Variants in FBN3 observed in about 807,000 individuals in gnomAD.
FBN3 encodes the protein fibrillin-3.
Under a neutral mutation model 330.1 loss-of-function variants are expected in FBN3, and 234 were observed. The ratio of observed to expected loss-of-function variants is 0.71; its 90% CI spans 0.64 to 0.79. FBN3 has a LOEUF of 0.79. FBN3 is among the 30% of genes least tolerant of loss of function. The pLI is 0.00. For missense variants in FBN3, 3,606 were observed against 3,886.9 expected (o/e 0.93, Z 1.92); for synonymous variants, 1,458 against 1,517.3 (o/e 0.96, Z 0.91).
chr19:8,076,486 C>T (rs957047911), intron 59 of FBN3, among the ~76,000 whole-genome samples: 16 of 151,868 alleles, frequency 1.1e-4, no homozygotes, highest in African/African-American at 3.9e-4. Flanking sequence ...AAATACAAAA[C>T]AATTTAGCCA....
chr19:8,122,340 G>C (rs1171135187), intron 24 of FBN3, among the ~76,000 whole-genome samples: 3 of 151,830 alleles, frequency 2.0e-5, no homozygotes, highest in Non-Finnish European at 4.4e-5. Flanking sequence ...GGTCACCTTT[G>C]CCAGCCCCTT....
intron 6 of FBN3, among the ~76,000 whole-genome samples, chr19:8,142,587 C>G (rs2083440378): frequency 6.6e-6 from 1 of 152,172 alleles, no homozygotes; most frequent in Non-Finnish European, 1.5e-5. Context: ...CCCCCAACAT[C>G]ACATCCCCAA....
At chr19:8,071,126 G>A (rs986213105) in intron 63 of FBN3, among the ~76,000 whole-genome samples, 1 of 152,200 alleles carries the variant, frequency 6.6e-6, no homozygotes, top group African/African-American at 2.4e-5. Context: ...GCATACAGCA[G>A]GTGTTTAATA....
chr19:8,147,568 G>C (rs1016758746), intron 1 of FBN3, 71 bp from the exon 2 acceptor site: 1 of 1,332,784 alleles, frequency 7.5e-7, no homozygotes, highest in Non-Finnish European at 9.8e-7. Context: ...AACACAACGA[G>C]GAGGGCAGGG....
At chr19:8,143,500 T>TTA (rs1187829253) in intron 6 of FBN3, among the ~76,000 whole-genome samples, 1 of 147,114 alleles carries the variant, frequency 6.8e-6, no homozygotes, top group South Asian at 2.2e-4. Context: ...TTCTTTTCTT[T>TTA]TTTTTTTTTT....
At chr19:8,140,412 C>T (rs1031721826) in intron 8 of FBN3, among the ~76,000 whole-genome samples, 6 of 152,092 alleles carry the variant, frequency 3.9e-5, no homozygotes, top group Non-Finnish European at 8.8e-5. Context: ...TGCAGTGAGC[C>T]GAGATCGTGC....
rs996280468 is a variant in FBN3, at chr19:8,131,186, C to G, written c.2044+49G>C. Reference sequence around the variant, plus strand: ...CCTCCCACCACAGCTCTCCCCACATCTGGTAGGGGCAGGCTGGCTGCTGTT... The same window carrying G: ...CCTCCCACCACAGCTCTCCCCACATGTGGTAGGGGCAGGCTGGCTGCTGTT... On this transcript the variant is annotated intron_variant, in intron 16 of 63. Coordinates refer to ENST00000600128, the MANE Select transcript of FBN3 (RefSeq NM_032447.5). The surrounding 1 kb of genome is among the most constrained non-coding windows in gnomAD (Gnocchi z 4.5). The G allele has an allele frequency of 6.4e-7, 1 of 1,567,806 alleles. No individual in the cohort carries two copies. Among genetic ancestry groups the G allele is most frequent in the African/African-American group, 1.3e-5 (1 of 74,424 alleles).
intron 62 of FBN3, 115 bp from the exon 63 acceptor site, chr19:8,072,313 A>G (rs2081533983): frequency 1.8e-6 from 2 of 1,106,990 alleles, no homozygotes; most frequent in Admixed American, 2.5e-5. Context: ...GCCCACGCAC[A>G]CAAATGCCTC....
chr19:8,142,635 C>T (rs1311810923), intron 6 of FBN3, among the ~76,000 whole-genome samples: 1 of 152,086 alleles, frequency 6.6e-6, no homozygotes, highest in Admixed American at 6.6e-5. Flanking sequence ...CGCATTGGTT[C>T]CCCCAACCCC....
chr19:8,095,611 C>A (rs2082192233), intron 45 of FBN3, 108 bp from the exon 46 acceptor site: 1 of 1,207,644 alleles, frequency 8.3e-7, no homozygotes, highest in Non-Finnish European at 1.2e-6. Flanking sequence ...TTGGCTTCAA[C>A]TTGAGCACTC....
Position 8,142,141 on chromosome 19 carries a change from C to T in FBN3, c.542-4G>A, listed in dbSNP as rs116519546. 2.2e-4 allele frequency: 355 copies of T among 1,599,864 alleles called. 1 individual carries two copies. The African/African-American group carries it at 4.0e-3, about 18-fold the overall frequency. On this transcript the variant is annotated splice_polypyrimidine_tract_variant and splice_region_variant and intron_variant, in intron 6 of 63. Transcript: ENST00000600128. ...AAGCAGGGTCCCGTCCGGTAATCTG[C>T]AGGGCAGACAGATGTGGGTACCTGG...
intron 48 of FBN3, among the ~76,000 whole-genome samples, chr19:8,090,930 A>C (rs2082082943): frequency 6.6e-6 from 1 of 152,184 alleles, no homozygotes; most frequent in African/African-American, 2.4e-5. Context: ...GATTCCAGAA[A>C]GCCCGAGGAT....
At chr19:8,080,930 A>AT (rs1200227758) in intron 59 of FBN3, 73 bp downstream of exon 59, 12 of 1,150,796 alleles carry the variant, frequency 1.0e-5, no homozygotes, top group Admixed American at 3.6e-5. Context: ...CCAACTTGAT[A>AT]TTTTTTTGGT....
chr19:8,127,950 G>A (rs563628030), intron 18 of FBN3, among the ~76,000 whole-genome samples: 32 of 152,272 alleles, frequency 2.1e-4, no homozygotes, highest in South Asian at 4.1e-4. Flanking sequence ...GCAGTGAGCC[G>A]AGATCGCCCC....
Position 8,111,627 on chromosome 19 carries a change from C to A in FBN3, c.4084+21G>T. ...TGGCTGTCCCTCTAGGGCCCCTGCC[C>A]TCCCACCCCTCTAATCTCACCTTCG... On this transcript the variant is annotated intron_variant, in intron 32 of 63. Transcript: ENST00000600128. The A allele has an allele frequency of 2.0e-6, 3 of 1,532,194 alleles. No individual in the cohort carries two copies. The South Asian group carries it at 3.4e-5, about 17-fold the overall frequency. The allele number at this position is 1,532,194 out of a possible 1,614,324, so 94.9% of individuals were successfully genotyped here. A position where few individuals can be genotyped will look rare whatever the true frequency, so the allele number is the denominator to read the frequency against.
chr19:8,089,668 C>T lies in FBN3; in HGVS notation c.6253G>A (p.Val2085Met), dbSNP rs749342318. ...CCAGGGTTCTCTGCACACTCATTCA[C>T]GTCTGCGGATGGCAGGCGTTGCAGA... The part of the protein sequence containing the change: ...VPGPDDSRED[V>M]NECAENPGVC... The change falls in exon 51 of 64, where the codon GTG (valine) becomes ATG (methionine). Residue 2085 changes from valine (V) to methionine (M), a missense_variant and splice_region_variant. Transcript: ENST00000600128. 1.7e-5 allele frequency: 27 copies of T among 1,613,912 alleles called. No homozygotes were observed. Among genetic ancestry groups the T allele is most frequent in the African/African-American group, 2.7e-5 (2 of 74,936 alleles).
In FBN3 at chr19:8,123,503, C is replaced by A; in HGVS notation, c.3043G>T (p.Gly1015Trp). Residue 1015 changes from glycine (G) to tryptophan (W), a missense_variant, in exon 24 of 64, where the codon GGG becomes TGG. Transcript: ENST00000600128. ...TCCTGGGCATCCAGGGCGAAGCCCC[C>A]CGCACAGGCGCAGTGGAAGCTGCCC... ...TVGSFHCACA[G>W]GFALDAQERN... The A allele has an allele frequency of 6.2e-7, 1 of 1,614,156 alleles. No homozygotes were observed. The highest frequency in any genetic ancestry group is 8.5e-7 in the Non-Finnish European group (1 of 1,179,996).
rs368561585 is a variant in FBN3 at position 8,066,131 on chromosome 19, C to T, written c.8218G>A (p.Val2740Ile). The change falls in exon 64 of 64, where the codon GTC becomes ATC. Residue 2740 changes from valine (V) to isoleucine (I), a missense_variant. By Grantham distance (29) the Val-to-Ile change is conservative. Transcript: ENST00000600128. Reference sequence around the variant, plus strand: ...CCTTGCTCGTTTCCGCGGACGATGACGTAGCGGATCCGGCCCTCTAGACCC... The same window carrying T: ...CCTTGCTCGTTTCCGCGGACGATGATGTAGCGGATCCGGCCCTCTAGACCC... ...LEGLEGRIRY[V>I]IVRGNEQGFF... 2.4e-5 allele frequency: 39 copies of T among 1,613,400 alleles called. No individual in the cohort carries two copies. The highest frequency in any genetic ancestry group is 2.8e-5 in the Non-Finnish European group (33 of 1,180,006).
intron 13 of FBN3, among the ~76,000 whole-genome samples, chr19:8,135,170 G>A (rs2083249879): frequency 6.6e-6 from 1 of 151,424 alleles, no homozygotes; most frequent in South Asian, 2.1e-4. Flanking sequence ...GTAGAGACAG[G>A]GTCTTGCTGT....
Sources: gnomAD v4.1 joint callset for allele counts (sites outside exome capture counted in the v4.1 genomes callset) on GRCh38, gnomAD v4.1.1 for gene constraint, Gnocchi (gnomAD v3.1) non-coding constraint, MANE v1.5 for transcripts, NCBI Gene and HGNC (gene_info 2026-07-23, HGNC 2026-07-21) for gene names.